The following GRIN2A variants were observed in gnomAD, a reference collection of about 807,000 sequenced individuals.
GRIN2A encodes the protein glutamate receptor ionotropic, NMDA 2A.
In GRIN2A, 22 loss-of-function variants were observed where a neutral mutation model predicts 113.4. That is an observed-to-expected ratio of 0.19 (90% CI 0.14 to 0.28). The LOEUF (loss-of-function observed/expected upper bound fraction) is 0.28, where lower values mean the gene tolerates loss of function less well. GRIN2A is among the 10% of genes least tolerant of loss of function. The pLI is 1.00. For synonymous variants in GRIN2A, 827 were observed against 738.4 expected (o/e 1.12, Z -1.94); for missense variants, 1,502 against 1,887.0 (o/e 0.80, Z 3.78).
chr16:10,009,196 C>A (rs1291878445), intron 2 of GRIN2A, among the ~76,000 whole-genome samples: 2 of 152,226 alleles, frequency 1.3e-5, no homozygotes, highest in African/African-American at 2.4e-5. Flanking sequence ...GTACAAGAAA[C>A]AGCAATTCCT....
chr16:10,079,220 A>G (rs147369007), intron 2 of GRIN2A, among the ~76,000 whole-genome samples: 71 of 152,362 alleles, frequency 4.7e-4, no homozygotes, highest in African/African-American at 1.5e-3. Flanking sequence ...CATATGGATA[A>G]TAACAACCAA....
At chr16:10,028,571 T>C (rs2046865310) in intron 2 of GRIN2A, among the ~76,000 whole-genome samples, 1 of 152,180 alleles carries the variant, frequency 6.6e-6, no homozygotes, top group South Asian at 2.1e-4. Context: ...TATTAGAAGA[T>C]GGCAGAGCCA....
intron 2 of GRIN2A, among the ~76,000 whole-genome samples, chr16:10,047,722 T>G (rs140335321): frequency 3.3e-5 from 5 of 152,330 alleles, no homozygotes; most frequent in Non-Finnish European, 7.3e-5. Context: ...GGGTCAGAAG[T>G]GTCTGAGAGT....
chr16:10,110,430 G>C (rs1407461351), intron 2 of GRIN2A, among the ~76,000 whole-genome samples: 1 of 152,212 alleles, frequency 6.6e-6, no homozygotes, highest in Non-Finnish European at 1.5e-5. Context: ...TCGTGGAACT[G>C]TTTGTTTTAA....
intron 2 of GRIN2A, among the ~76,000 whole-genome samples, chr16:9,997,104 A>G (rs1162240749): frequency 6.6e-6 from 1 of 152,200 alleles, no homozygotes; most frequent in Non-Finnish European, 1.5e-5. Context: ...AATCTTGGAA[A>G]ATTTCCTCCA....
At chr16:9,774,561 T>G (rs1238621468) in intron 11 of GRIN2A, among the ~76,000 whole-genome samples, 3 of 152,252 alleles carry the variant, frequency 2.0e-5, no homozygotes, top group Non-Finnish European at 4.4e-5. Flanking sequence ...TAAAATAGAC[T>G]GTCCTTCAGG....
intron 10 of GRIN2A, among the ~76,000 whole-genome samples, chr16:9,809,874 T>G (rs903405381): frequency 6.6e-6 from 1 of 152,020 alleles, no homozygotes; most frequent in African/African-American, 2.4e-5. Context: ...TCGAGACCAG[T>G]CTGGCCAAGA....
chr16:9,890,900 T>A lies in GRIN2A; in HGVS notation c.1122+86A>T, dbSNP rs1398500811. 3.5e-6 allele frequency: 3 copies of A among 850,176 alleles called. No individual in the cohort carries two copies. The African/African-American group carries it at 4.9e-5, about 14-fold the overall frequency. The allele number at this position is 850,176 out of a possible 1,614,324, so 52.7% of individuals were successfully genotyped here. The stretch of plus-strand genomic sequence containing the variant: ...GGATCTAGAGCAGCTCAACAGGAAA[T>A]GCGTGGGAGAAAGAAGCACTGTGAG... On this transcript the variant is annotated intron_variant, in intron 4 of 12. Transcript: ENST00000330684.
intron 2 of GRIN2A, among the ~76,000 whole-genome samples, chr16:10,114,398 G>A (rs180878869): frequency 1.1e-3 from 164 of 152,256 alleles, no homozygotes; most frequent in Middle Eastern, 6.8e-3. Flanking sequence ...CCCCAGACTC[G>A]AAGATGCCAG....
At chr16:9,921,020 A>C (rs1459985616) in intron 3 of GRIN2A, among the ~76,000 whole-genome samples, 3 of 152,108 alleles carry the variant, frequency 2.0e-5, no homozygotes, top group Non-Finnish European at 4.4e-5. Context: ...ACGATGTCTC[A>C]AGGGACTCAT....
chr16:9,932,129 G>A (rs908083641), intron 3 of GRIN2A, among the ~76,000 whole-genome samples: 2 of 152,120 alleles, frequency 1.3e-5, no homozygotes, highest in Non-Finnish European at 2.9e-5. Flanking sequence ...CTCCAACTTG[G>A]GAGGCTGGGC....
chr16:9,900,604 T>G (rs2043902931), intron 3 of GRIN2A, among the ~76,000 whole-genome samples: 1 of 152,102 alleles, frequency 6.6e-6, no homozygotes. Flanking sequence ...GTGTATAGAG[T>G]AGGGTCTAAG....
At chr16:9,800,101 A>C (rs1903270260) in intron 10 of GRIN2A, among the ~76,000 whole-genome samples, 1 of 151,964 alleles carries the variant, frequency 6.6e-6, no homozygotes, top group South Asian at 2.1e-4. Flanking sequence ...CAGCCTCCCA[A>C]ATAGCTGGGA....
intron 2 of GRIN2A, among the ~76,000 whole-genome samples, chr16:10,027,377 C>G (rs1036508702): frequency 6.6e-6 from 1 of 152,184 alleles, no homozygotes; most frequent in African/African-American, 2.4e-5. Flanking sequence ...ATGTCCCCCC[C>G]TGCCAGTGCT....
At chr16:10,147,700 G>A (rs1415497644) in intron 2 of GRIN2A, among the ~76,000 whole-genome samples, 1 of 151,044 alleles carries the variant, frequency 6.6e-6, no homozygotes, top group African/African-American at 2.4e-5. Flanking sequence ...GCAAAATCAT[G>A]AGGAGGATCA....
At chr16:10,088,033 A>G (rs2048115409) in intron 2 of GRIN2A, among the ~76,000 whole-genome samples, 1 of 151,914 alleles carries the variant, frequency 6.6e-6, no homozygotes, top group Non-Finnish European at 1.5e-5. Context: ...TATTATTGCT[A>G]TTATCAGTAT....
intron 2 of GRIN2A, among the ~76,000 whole-genome samples, chr16:10,145,457 T>G (rs2049419485): frequency 6.6e-6 from 1 of 152,116 alleles, no homozygotes; most frequent in Admixed American, 6.6e-5. Flanking sequence ...CATCAAATTA[T>G]GTATATTAAA....
chr16:9,880,564 G>T (rs1283844332), intron 4 of GRIN2A, among the ~76,000 whole-genome samples: 1 of 152,142 alleles, frequency 6.6e-6, no homozygotes, highest in Admixed American at 6.5e-5. Flanking sequence ...ACCAAGGAGT[G>T]ACAGCTCATC....
intron 2 of GRIN2A, among the ~76,000 whole-genome samples, chr16:10,173,045 A>G (rs1241707566): frequency 6.6e-6 from 1 of 152,136 alleles, no homozygotes; most frequent in African/African-American, 2.4e-5. Flanking sequence ...TCAGGGCCCA[A>G]ACGATTGTCA....
Sources: allele counts gnomAD v4.1 joint callset (sites outside exome capture counted in the v4.1 genomes callset), GRCh38; gene constraint gnomAD v4.1.1; transcripts MANE v1.5; gene names NCBI Gene and HGNC (gene_info 2026-07-23, HGNC 2026-07-21).